TMEM132C: variants seen among roughly 807,000 people sequenced by gnomAD.
The protein encoded by TMEM132C is protein phosphatase 1, regulatory subunit 152.
A neutral mutation model predicts 61.4 loss-of-function variants in TMEM132C; 29 were observed. That is an observed-to-expected ratio of 0.47 (90% CI 0.35 to 0.64). The LOEUF (loss-of-function observed/expected upper bound fraction) is 0.64. Ranked by LOEUF, TMEM132C falls within the 30% of genes least tolerant of loss-of-function variation. TMEM132C has a pLI of 0.00. For synonymous variants in TMEM132C, 656 were observed against 633.1 expected (o/e 1.04, Z -0.54); for missense variants, 1,408 against 1,476.9 (o/e 0.95, Z 0.76).
chr12:128,573,540 A>G (rs1192059739), intron 3 of TMEM132C, among the ~76,000 whole-genome samples: 1 of 152,116 alleles, frequency 6.6e-6, no homozygotes, highest in East Asian at 1.9e-4. Flanking sequence ...AACATGGCAC[A>G]TGTATACATA....
At chr12:128,481,644 A>G (rs1871320168) in intron 2 of TMEM132C, among the ~76,000 whole-genome samples, 1 of 152,238 alleles carries the variant, frequency 6.6e-6, no homozygotes, top group Non-Finnish European at 1.5e-5. Flanking sequence ...TAGCCGTCGG[A>G]TTCTGGAGCA....
Position 128,684,814 on chromosome 12 carries a change from A to G in TMEM132C, c.1450-9015A>G, listed in dbSNP as rs1485007002. Among the ~76,000 whole-genome samples, 4 of 152,306 alleles carry G rather than the reference A, an allele frequency of 2.6e-5. No individual in the cohort carries two copies. In the South Asian group the frequency reaches 6.2e-4, roughly 24 times the overall value. On this transcript the variant is annotated intron_variant, in intron 5 of 8. Coordinates refer to ENST00000435159, the MANE Select transcript of TMEM132C (RefSeq NM_001136103.3). The stretch of plus-strand genomic sequence containing the variant: ...TTTTCCTTCTCTTCCAGTGATGTCA[A>G]AGAAGTAGCTATAATGCACTTTAGT...
intron 1 of TMEM132C, among the ~76,000 whole-genome samples, chr12:128,350,749 G>A (rs774657133): frequency 4.1e-4 from 62 of 152,016 alleles, no homozygotes; most frequent in Non-Finnish European, 7.1e-4. Context: ...ATGGTTAGCT[G>A]AGCGCTCGAC....
rs578132501 is a variant in TMEM132C, at chr12:128,403,058, G to A, written c.86-11674G>A. ...TGACGGTTACGAAATTGCAAACCGC[G>A]CTATGTAATTTCAGCAAAGGATATT... On this transcript the variant is annotated intron_variant, in intron 1 of 8. Transcript: ENST00000435159. Among the ~76,000 whole-genome samples, 109 of 152,278 alleles carry A rather than the reference G, an allele frequency of 7.2e-4. No individual in the cohort carries two copies. The Middle Eastern group carries it at 0.01, about 14-fold the overall frequency.
intron 4 of TMEM132C, among the ~76,000 whole-genome samples, chr12:128,635,555 CT>C (rs565169891): frequency 7.2e-6 from 1 of 139,400 alleles, no homozygotes; most frequent in African/African-American, 2.7e-5. Context: ...AAAAAGTGTT[CT>C]TTGTGCCTTC....
At chr12:128,639,621 G>A (rs778895974) in intron 4 of TMEM132C, among the ~76,000 whole-genome samples, 5 of 152,178 alleles carry the variant, frequency 3.3e-5, no homozygotes, top group Non-Finnish European at 7.3e-5. Flanking sequence ...AATTAACTCT[G>A]AGAGCAGTTC....
In TMEM132C at chr12:128,616,310, T is replaced by C; in HGVS notation, c.1280T>C (p.Leu427Pro). 2 of 1,551,956 alleles carry C rather than the reference T, an allele frequency of 1.3e-6. No individual in the cohort carries two copies. Among genetic ancestry groups the C allele is most frequent in the South Asian group, 1.2e-5 (1 of 84,042 alleles). The change falls in exon 4 of 9, where the codon CTG becomes CCG. Residue 427 changes from leucine (L) to proline (P), a missense_variant. Coordinates refer to ENST00000435159, the MANE Select transcript of TMEM132C (RefSeq NM_001136103.3). ...GAGATCTTTGTCAGCCAGAAGGACC[T>C]GGTGGGCATCGTTCCCTTGGCTATG... ...VSEIFVSQKD[L>P]VGIVPLAMDT...
At chr12:128,294,962 G>A (rs1871356564) in intron 1 of TMEM132C, among the ~76,000 whole-genome samples, 1 of 137,860 alleles carries the variant, frequency 7.3e-6, no homozygotes, top group Admixed American at 7.2e-5. Context: ...ACCAATGCTT[G>A]GTGTGAGCCC....
At chr12:128,485,419 C>T (rs990403658) in intron 2 of TMEM132C, among the ~76,000 whole-genome samples, 8 of 152,120 alleles carry the variant, frequency 5.3e-5, no homozygotes, top group Non-Finnish European at 7.4e-5. Context: ...TCAGGTGATT[C>T]GCCCACCTCG....
At chr12:128,601,633 G>A (rs917003086) in intron 3 of TMEM132C, among the ~76,000 whole-genome samples, 2 of 148,908 alleles carry the variant, frequency 1.3e-5, no homozygotes, top group African/African-American at 4.8e-5. Flanking sequence ...CTGGGGAAAA[G>A]CACAGGCAGG....
intron 1 of TMEM132C, among the ~76,000 whole-genome samples, chr12:128,268,180 T>C (rs547466748): frequency 2.0e-5 from 3 of 152,316 alleles, no homozygotes; most frequent in African/African-American, 4.8e-5. Flanking sequence ...CCAGCGGTCC[T>C]GTCCGGGGCT....
intron 1 of TMEM132C, among the ~76,000 whole-genome samples, chr12:128,340,927 TC>T (rs1315824497): frequency 1.3e-4 from 19 of 145,350 alleles, no homozygotes; most frequent in African/African-American, 5.2e-4. Context: ...TCTCTCTCTC[TC>T]TCTCTCTCTC....
chr12:128,594,600 G>C (rs1017111645), intron 3 of TMEM132C, among the ~76,000 whole-genome samples: 1 of 152,182 alleles, frequency 6.6e-6, no homozygotes, highest in African/African-American at 2.4e-5. Context: ...ATTGGAGAAA[G>C]TGAAAGAACA....
Position 128,630,528 on chromosome 12 carries a change from C to T in TMEM132C, c.1305+14193C>T, listed in dbSNP as rs552041373. ...TGCCTAAAAGAGCAACCTGGAACCC[C>T]TCTGAGCTTTCCCCACTCCCTTTGC... On this transcript the variant is annotated intron_variant, in intron 4 of 8. Transcript: ENST00000435159. This position sits in a 1 kb window ranked among gnomAD's most constrained non-coding sequence, Gnocchi z 4.3. 6.6e-6 allele frequency among the ~76,000 whole-genome samples: 1 copy of T among 152,258 alleles called. No individual in the cohort carries two copies. Among genetic ancestry groups the T allele is most frequent in the Non-Finnish European group, 1.5e-5 (1 of 68,018 alleles).
At chr12:128,687,403 A>G (rs1264223084) in intron 5 of TMEM132C, among the ~76,000 whole-genome samples, 3 of 152,154 alleles carry the variant, frequency 2.0e-5, no homozygotes, top group African/African-American at 7.2e-5. Flanking sequence ...TTGCAAATCT[A>G]TCCTCCCATT....
In TMEM132C at chr12:128,706,290, G is replaced by A. The variant is rs552082101; in HGVS notation, c.3322G>A (p.Ala1108Thr). Residue 1108 changes from alanine (A) to threonine (T), a missense_variant, in exon 9 of 9, where the codon GCT (alanine) becomes ACT (threonine). Ala to Thr is a moderately conservative substitution (Grantham distance 58, BLOSUM62 0). Coordinates refer to ENST00000435159, the MANE Select transcript of TMEM132C (RefSeq NM_001136103.3). ...RNYLEKLKDK[A>T] Reference sequence around the variant, plus strand: ...CTATCTGGAGAAACTCAAAGATAAGGCTTAGGCCCCTCTAGCCAAAGGGCC... The same window carrying A: ...CTATCTGGAGAAACTCAAAGATAAGACTTAGGCCCCTCTAGCCAAAGGGCC... 13 of 1,527,456 alleles carry A rather than the reference G, an allele frequency of 8.5e-6. 1 individual carries two copies. The South Asian group carries it at 1.4e-4, about 16-fold the overall frequency. 94.6% of individuals were successfully genotyped at this position (1,527,456 alleles called of 1,614,324 possible). A position where few individuals can be genotyped will look rare whatever the true frequency, so the allele number is the denominator to read the frequency against.
At chr12:128,517,066 CAA>C (rs1253841017) in intron 2 of TMEM132C, among the ~76,000 whole-genome samples, 11 of 107,808 alleles carry the variant, frequency 1.0e-4, no homozygotes, top group African/African-American at 1.6e-4. Flanking sequence ...GCTAAAAATA[CAA>C]AAAAAAAAAA....
At position 128,495,104 on chromosome 12, in the gene TMEM132C, A is replaced by G. The variant is rs543931538; in HGVS notation, c.975-48853A>G. 8.6e-3 allele frequency among the ~76,000 whole-genome samples: 1,270 copies of G among 148,166 alleles called. 27 individuals are homozygous for G. Among genetic ancestry groups the G allele is most frequent in the African/African-American group, 0.03 (1,192 of 39,916 alleles). On this transcript the variant is annotated intron_variant, in intron 2 of 8. Coordinates refer to ENST00000435159, the MANE Select transcript of TMEM132C (RefSeq NM_001136103.3). ...TCTGCCTTCATTTCGTTATGTACCCAGTAGTCATTCAGGAGCAGGTTGTTC... is the reference window on the plus strand; with the variant it reads ...TCTGCCTTCATTTCGTTATGTACCCGGTAGTCATTCAGGAGCAGGTTGTTC...
At chr12:128,635,324 A>T (rs1402398612) in intron 4 of TMEM132C, among the ~76,000 whole-genome samples, 1 of 152,236 alleles carries the variant, frequency 6.6e-6, no homozygotes, top group East Asian at 1.9e-4. Context: ...AAGATTCTTG[A>T]AAGTAAAAAT....
Sources: gnomAD v4.1 joint callset for allele counts (sites outside exome capture counted in the v4.1 genomes callset) on GRCh38, gnomAD v4.1.1 for gene constraint, Gnocchi (gnomAD v3.1) non-coding constraint, MANE v1.5 for transcripts, NCBI Gene and HGNC (gene_info 2026-07-23, HGNC 2026-07-21) for gene names.